Variants in DMAP1 observed in about 807,000 individuals in gnomAD.
DMAP1 encodes DNA methyltransferase 1 associated protein 1.
DMAP1 carries 26 observed loss-of-function variants against 52.7 expected under a neutral mutation model. The ratio of observed to expected loss-of-function variants is 0.49; its 90% CI spans 0.36 to 0.68. The LOEUF (loss-of-function observed/expected upper bound fraction) is 0.68. Among genes scored for constraint, DMAP1 ranks in the 30% least tolerant of loss-of-function variants. The probability of loss-of-function intolerance (pLI) is 0.00; values close to 1 mark genes in which losing one functional copy is unlikely to be tolerated. For synonymous variants in DMAP1, 231 were observed against 246.0 expected, an observed-to-expected ratio of 0.94 and a Z score of 0.57; for missense variants, 439 against 625.2, an observed-to-expected ratio of 0.70 and a Z score of 3.18.
In DMAP1 at chr1:44,218,425, C is replaced by T. The variant is rs1572030682; in HGVS notation, c.508C>T (p.Arg170Cys). 5 of 1,614,198 alleles carry T rather than the reference C, an allele frequency of 3.1e-6. No homozygotes were observed. Among genetic ancestry groups the T allele is most frequent in the African/African-American group, 1.3e-5 (1 of 75,032 alleles). Reference protein sequence around the residue: ...LFDLSRRFDLRFVVIHDRYDH... With the variant: ...LFDLSRRFDLCFVVIHDRYDH... Reference sequence around the variant, plus strand: ...TGACCTCAGCCGCCGCTTTGACCTGCGTTTTGTTGTTATCCATGACCGGTA... The same window carrying T: ...TGACCTCAGCCGCCGCTTTGACCTGTGTTTTGTTGTTATCCATGACCGGTA... The change falls in exon 4 of 10, where the codon CGT becomes TGT. Residue 170 changes from arginine to cysteine, a missense_variant. Arg to Cys is a radical substitution (Grantham distance 180). Around this residue, in one of 3 missense-constraint regions of DMAP1, gnomAD observed 142 missense variants for 149.5 expected, o/e 0.95. Transcript: ENST00000372289. This position sits in a 1 kb window ranked among gnomAD's most constrained non-coding sequence, Gnocchi z 5.6.
At position 44,216,647 on chromosome 1, in the gene DMAP1, G is replaced by A. The variant is rs190633342; in HGVS notation, c.394-1664G>A. Reference sequence around the variant, plus strand: ...CAGAGGAGATGATGCCTGAGAGCTCGAAAGGTTGAGAAAGTTACCTAGGTA... The same window carrying A: ...CAGAGGAGATGATGCCTGAGAGCTCAAAAGGTTGAGAAAGTTACCTAGGTA... On this transcript the variant is annotated intron_variant, in intron 3 of 9. Coordinates refer to ENST00000372289, the MANE Select transcript of DMAP1 (RefSeq NM_019100.5). 5.4e-3 allele frequency: 823 copies of A among 152,320 alleles called. 5 individuals are homozygous for A. The highest frequency in any genetic ancestry group is 6.8e-3 in the Non-Finnish European group (466 of 68,042). The allele number at this position is 152,320 out of a possible 1,614,324, so 9.4% of individuals were successfully genotyped here. A position where few individuals can be genotyped will look rare whatever the true frequency, so the allele number is the denominator to read the frequency against.
chr1:44,218,439 C>T lies in DMAP1; in HGVS notation c.522C>T (p.Ile174=). 6.2e-7 allele frequency: 1 copy of T among 1,614,218 alleles called. No homozygotes were observed. Among genetic ancestry groups the T allele is most frequent in the African/African-American group, 1.3e-5 (1 of 75,036 alleles). The change falls in exon 4 of 10, where the codon ATC becomes ATT. Residue 174 remains isoleucine (I), a synonymous_variant. Transcript: ENST00000372289. This position sits in a 1 kb window ranked among gnomAD's most constrained non-coding sequence, Gnocchi z 5.6. ...SRRFDLRFVV[I]HDRYDHQQFK... is the part of the protein sequence containing the mutation. ...GCTTTGACCTGCGTTTTGTTGTTAT[C>T]CATGACCGGTATGACCACCAGCAGT...
intron 1 of DMAP1, 133 bp from the exon 2 acceptor site, chr1:44,214,217 T>C: frequency 1.2e-6 from 1 of 848,790 alleles, no homozygotes; most frequent in African/African-American, 1.7e-5. Context: ...AGTGGGTTTC[T>C]GTGCCTTTAC....
chr1:44,214,154 G>A (rs539004298), intron 1 of DMAP1, among the ~76,000 whole-genome samples, 196 bp from the exon 2 acceptor site: 8 of 152,308 alleles, frequency 5.3e-5, no homozygotes, highest in African/African-American at 1.7e-4. Flanking sequence ...TCTGAGAGTT[G>A]GTGGGATGGG....
chr1:44,220,483 C>T (rs1318061515), intron 9 of DMAP1, 76 bp from the exon 10 acceptor site: 25 of 1,611,646 alleles, frequency 1.6e-5, no homozygotes, highest in South Asian at 6.6e-5. Context: ...TGTCCCTGAG[C>T]GTGTGAAGCA....
Position 44,218,499 on chromosome 1 carries a change from C to G in DMAP1, c.552+30C>G, listed in dbSNP as rs1366452463. ...GCCATTGTGTATTTGCATGGGTGCCCAGCTTCTGGGTCTAGCAGGCCCTAC... is the reference window on the plus strand; with the variant it reads ...GCCATTGTGTATTTGCATGGGTGCCGAGCTTCTGGGTCTAGCAGGCCCTAC... On this transcript the variant is annotated intron_variant, in intron 4 of 9. Coordinates refer to ENST00000372289, the MANE Select transcript of DMAP1 (RefSeq NM_019100.5). The surrounding 1 kb of genome is among the most constrained non-coding windows in gnomAD (Gnocchi z 5.6). 7 of 1,611,978 alleles carry G rather than the reference C, an allele frequency of 4.3e-6. No individual in the cohort carries two copies. The highest frequency in any genetic ancestry group is 5.1e-6 in the Non-Finnish European group (6 of 1,178,160).
Position 44,214,866 on chromosome 1 carries a change from G to A in DMAP1, c.361G>A (p.Gly121Ser). ...FFHWRRAAEEGKDYPFARFNK... is the reference protein window; with the variant it reads ...FFHWRRAAEESKDYPFARFNK... ...CCACTGGCGACGTGCAGCGGAGGAG[G>A]GCAAGGACTACCCCTTTGCCAGGTT... The change falls in exon 3 of 10, where the codon GGC becomes AGC. Residue 121 changes from glycine (G) to serine (S), a missense_variant. Physicochemically the swap from Gly to Ser is moderately conservative, Grantham distance 56. Coordinates refer to ENST00000372289, the MANE Select transcript of DMAP1 (RefSeq NM_019100.5). The A allele has an allele frequency of 1.9e-6, 3 of 1,614,190 alleles. No individual in the cohort carries two copies. Among genetic ancestry groups the A allele is most frequent in the South Asian group, 1.1e-5 (1 of 91,084 alleles).
At chr1:44,215,169 G>T (rs1426135603) in intron 3 of DMAP1, 1 of 595,074 alleles carries the variant, frequency 1.7e-6, no homozygotes, top group Non-Finnish European at 3.1e-6. Context: ...TATCCTAGGT[G>T]CTCTAGTCTT....
intron 3 of DMAP1, chr1:44,217,989 G>C: frequency 2.2e-6 from 1 of 446,462 alleles, no homozygotes; most frequent in Non-Finnish European, 4.2e-6. Flanking sequence ...TCCTACTCCA[G>C]AGTTGACCTT....
Position 44,213,762 on chromosome 1 carries a change from G to T in DMAP1, c.9G>T (p.Thr3=). ...CCCATCTCTCAGGCGCGATGGCTAC[G>T]GGCGCGGATGTACGGGACATTCTAG... MA[T]GADVRDILEL... is the part of the protein sequence containing the mutation. Residue 3 remains threonine (T), a synonymous_variant, in exon 1 of 10, where the codon ACG becomes ACT. Transcript: ENST00000372289. The surrounding 1 kb of genome is among the most constrained non-coding windows in gnomAD (Gnocchi z 4.5). 6.3e-7 allele frequency: 1 copy of T among 1,581,216 alleles called. No homozygotes were observed.
In DMAP1 at chr1:44,220,640, G is replaced by C. The variant is rs780069806; in HGVS notation, c.*22G>C. The stretch of plus-strand genomic sequence containing the variant: ...GTGAGAGGCCCCACGGGGTGTGGGC[G>C]ACGCTGTTATGTAAATAGAGCTGCT... On this transcript the variant is annotated 3_prime_UTR_variant, in exon 10 of 10. Transcript: ENST00000372289. 2 of 1,614,054 alleles carry C rather than the reference G, an allele frequency of 1.2e-6. No homozygotes were observed. Among genetic ancestry groups the C allele is most frequent in the East Asian group, 4.5e-5 (2 of 44,878 alleles).
chr1:44,219,028 A>C (rs768560188), intron 5 of DMAP1, 28 bp from the exon 6 acceptor site: 1 of 1,612,126 alleles, frequency 6.2e-7, no homozygotes, highest in Non-Finnish European at 8.5e-7. Context: ...AAGTGCCCTC[A>C]CACACTTCGC....
intron 3 of DMAP1, chr1:44,215,125 T>C: frequency 1.5e-6 from 1 of 669,218 alleles, no homozygotes; most frequent in Non-Finnish European, 2.7e-6. Context: ...ATGGCTTTTC[T>C]TGGTCTTTCA....
rs777430953 is a variant in DMAP1 at position 44,220,656 on chromosome 1, T to C, written c.*38T>C. 3.7e-6 allele frequency: 6 copies of C among 1,613,050 alleles called. No individual in the cohort carries two copies. The African/African-American group carries it at 5.3e-5, about 14-fold the overall frequency. ...GGTGTGGGCGACGCTGTTATGTAAA[T>C]AGAGCTGCTGAGTTGGACCAGGCTG... On this transcript the variant is annotated 3_prime_UTR_variant, in exon 10 of 10. Coordinates refer to ENST00000372289, the MANE Select transcript of DMAP1 (RefSeq NM_019100.5).
chr1:44,215,039 T>C (rs1216798940), intron 3 of DMAP1, 141 bp downstream of exon 3: 1 of 955,654 alleles, frequency 1.0e-6, no homozygotes, highest in African/African-American at 1.6e-5. Flanking sequence ...TCGTGGCAAA[T>C]GCATGCAGAG....
chr1:44,220,327 C>T lies in DMAP1; in HGVS notation c.1344+18C>T, dbSNP rs1174352914. ...CCAATTCGGTAAGAGTCTGGACAGG[C>T]TGGGAGGCACGCCTGGGCCCTGCGA... On this transcript the variant is annotated intron_variant, in intron 9 of 9. Transcript: ENST00000372289. 2 of 1,535,284 alleles carry T rather than the reference C, an allele frequency of 1.3e-6. No individual in the cohort carries two copies. The highest frequency in any genetic ancestry group is 1.8e-6 in the Non-Finnish European group (2 of 1,138,642).
At position 44,218,646 on chromosome 1, in the gene DMAP1, A is replaced by G. The variant is rs544496296; in HGVS notation, c.611A>G (p.Asn204Ser). ...TACCACATCTGTGCTAAGCTTGCCAACGTGCGGGCTGTGCCAGGCACAGAC... is the reference window on the plus strand; with the variant it reads ...TACCACATCTGTGCTAAGCTTGCCAGCGTGCGGGCTGTGCCAGGCACAGAC... The part of the protein sequence containing the change: ...RYYHICAKLA[N>S]VRAVPGTDLK... Residue 204 changes from asparagine to serine, a missense_variant, in exon 5 of 10, where the codon AAC becomes AGC. Coordinates refer to ENST00000372289, the MANE Select transcript of DMAP1 (RefSeq NM_019100.5). The surrounding 1 kb of genome is among the most constrained non-coding windows in gnomAD (Gnocchi z 5.6). The G allele has an allele frequency of 8.1e-6, 13 of 1,613,900 alleles. No individual in the cohort carries two copies. Among genetic ancestry groups the G allele is most frequent in the Middle Eastern group, 1.6e-4 (1 of 6,062 alleles).
Position 44,220,377 on chromosome 1 carries a change from G to C in DMAP1, c.1344+68G>C, listed in dbSNP as rs1331241486. On this transcript the variant is annotated intron_variant, in intron 9 of 9. Coordinates refer to ENST00000372289, the MANE Select transcript of DMAP1 (RefSeq NM_019100.5). Reference sequence around the variant, plus strand: ...AGTGAGCACATGCACATGGGTGTAGGGGCTCCTCTCCCTCTAGTGCCTGCA... The same window carrying C: ...AGTGAGCACATGCACATGGGTGTAGCGGCTCCTCTCCCTCTAGTGCCTGCA... 2.6e-6 allele frequency: 4 copies of C among 1,522,194 alleles called. No homozygotes were observed. The African/African-American group carries it at 5.5e-5, about 21-fold the overall frequency. 94.3% of individuals were successfully genotyped at this position (1,522,194 alleles called of 1,614,324 possible).
At chr1:44,219,765 T>C (rs753897927) in intron 7 of DMAP1, 41 bp from the exon 8 acceptor site, 5 of 1,611,506 alleles carry the variant, frequency 3.1e-6, no homozygotes, top group East Asian at 4.5e-5. Context: ...CCTAAGCCTC[T>C]TGTGGCTGGG....
Sources: allele counts gnomAD v4.1 joint callset (sites outside exome capture counted in the v4.1 genomes callset), GRCh38; gene constraint gnomAD v4.1.1; regional missense constraint gnomAD v4.1.1; non-coding constraint Gnocchi (gnomAD v3.1); transcripts MANE v1.5; gene names NCBI Gene and HGNC (gene_info 2026-07-23, HGNC 2026-07-21).